The following INPP4B variants were observed in gnomAD, a reference collection of about 807,000 sequenced individuals.
The protein encoded by INPP4B is inositol polyphosphate-4-phosphatase type II B.
A neutral mutation model predicts 122.5 loss-of-function variants in INPP4B; 55 were observed. The ratio of observed to expected loss-of-function variants is 0.45; its 90% CI spans 0.36 to 0.56. The LOEUF (loss-of-function observed/expected upper bound fraction) is 0.56. Among genes scored for constraint, INPP4B ranks in the 20% least tolerant of loss-of-function variants. The pLI, the probability that INPP4B is intolerant of heterozygous loss-of-function variation, is 0.00. For missense variants in INPP4B, 1,000 were observed against 1,097.7 expected (o/e 0.91, Z 1.26); for synonymous variants, 403 against 388.7 (o/e 1.04, Z -0.43).
chr4:142,696,104 G>T (rs905549961), intron 2 of INPP4B, among the ~76,000 whole-genome samples: 2 of 152,102 alleles, frequency 1.3e-5, no homozygotes, highest in African/African-American at 4.8e-5. Context: ...AGGTTAGAAA[G>T]GTCCCAGGAG....
intron 1 of INPP4B, among the ~76,000 whole-genome samples, chr4:142,803,995 G>T (rs1217211552): frequency 6.6e-6 from 1 of 151,692 alleles, no homozygotes; most frequent in Non-Finnish European, 1.5e-5. Context: ...GGAGGTGGAG[G>T]TTGCAGTGAG....
In INPP4B at chr4:142,726,029, A is replaced by G. The variant is rs572001233; in HGVS notation, c.-253-128T>C. On this transcript the variant is annotated intron_variant, in intron 1 of 25. Coordinates refer to ENST00000262992, the MANE Select transcript of INPP4B (RefSeq NM_001101669.3). ...ATCATTTAACAAAATATTCAGCTCC[A>G]TTCAGCAGCTGCCTCAGGAAACACT... is the stretch of plus-strand genomic sequence containing the variant. The G allele has an allele frequency of 1.8e-5, 7 of 385,688 alleles. No homozygotes were observed. The South Asian group carries it at 1.0e-3, about 55-fold the overall frequency. The allele number at this position is 385,688 out of a possible 1,614,324, so 23.9% of individuals were successfully genotyped here.
intron 2 of INPP4B, among the ~76,000 whole-genome samples, chr4:142,596,673 T>A (rs1738784715): frequency 6.6e-6 from 1 of 152,230 alleles, no homozygotes; most frequent in Non-Finnish European, 1.5e-5. Context: ...TGTAGTTTAA[T>A]AACAACAATA....
chr4:142,325,641 C>T (rs982760567), intron 7 of INPP4B, among the ~76,000 whole-genome samples: 8 of 152,190 alleles, frequency 5.3e-5, no homozygotes, highest in African/African-American at 1.7e-4. Flanking sequence ...AGTTTGGATG[C>T]TCTAACCTTA....
intron 2 of INPP4B, among the ~76,000 whole-genome samples, chr4:142,579,059 T>C (rs1734450447): frequency 2.0e-5 from 3 of 152,038 alleles, no homozygotes; most frequent in Non-Finnish European, 4.4e-5. Flanking sequence ...ATGTTAAATA[T>C]TGTATTGAAC....
intron 11 of INPP4B, among the ~76,000 whole-genome samples, chr4:142,243,398 C>T (rs1041437301): frequency 2.0e-5 from 3 of 152,140 alleles, no homozygotes; most frequent in African/African-American, 4.8e-5. Flanking sequence ...TGTATTAGCA[C>T]ACAGTAATGA....
intron 21 of INPP4B, among the ~76,000 whole-genome samples, chr4:142,121,072 A>G (rs1483709029): frequency 6.6e-5 from 10 of 152,088 alleles, no homozygotes; most frequent in Non-Finnish European, 1.2e-4. Context: ...TTGTGATATA[A>G]GTGTTAGTGT....
chr4:142,156,742 G>C (rs1817430454), intron 17 of INPP4B, among the ~76,000 whole-genome samples: 1 of 151,998 alleles, frequency 6.6e-6, no homozygotes, highest in Admixed American at 6.6e-5. Flanking sequence ...AAAAGAGAAA[G>C]GACAGCCTCA....
At chr4:142,160,196 C>CA (rs35571640) in intron 17 of INPP4B, among the ~76,000 whole-genome samples, 162 bp downstream of exon 17, 25 of 150,674 alleles carry the variant, frequency 1.7e-4, no homozygotes, top group Non-Finnish European at 3.3e-4. Flanking sequence ...TTTCAACTTC[C>CA]AAAAAAAAAT....
intron 11 of INPP4B, among the ~76,000 whole-genome samples, chr4:142,251,503 C>A (rs973741136): frequency 6.6e-6 from 1 of 152,098 alleles, no homozygotes; most frequent in Non-Finnish European, 1.5e-5. Flanking sequence ...AACTCAGATG[C>A]TTTTAGGATG....
intron 7 of INPP4B, among the ~76,000 whole-genome samples, chr4:142,335,696 AAGTCAGTTAACTTTT>A: frequency 6.6e-6 from 1 of 152,358 alleles, no homozygotes; most frequent in East Asian, 1.9e-4. Context: ...ACATAGAGGA[AAGTCAGTTAACTTTT>A]AGTCAGTTGA....
chr4:142,071,399 G>T (rs1767218056), intron 25 of INPP4B, among the ~76,000 whole-genome samples: 1 of 152,066 alleles, frequency 6.6e-6, no homozygotes, highest in African/African-American at 2.4e-5. Flanking sequence ...GAAAACCTAG[G>T]CATTACCATT....
At chr4:142,631,737 A>C (rs1007130669) in intron 2 of INPP4B, among the ~76,000 whole-genome samples, 1 of 152,186 alleles carries the variant, frequency 6.6e-6, no homozygotes, top group African/African-American at 2.4e-5. Context: ...TCTGTCAGCT[A>C]ATCTATCTAC....
At chr4:142,116,598 T>C (rs1793607187) in intron 21 of INPP4B, among the ~76,000 whole-genome samples, 1 of 152,146 alleles carries the variant, frequency 6.6e-6, no homozygotes, top group Non-Finnish European at 1.5e-5. Context: ...GAAATAAAGA[T>C]GTTCTTTGAA....
At chr4:142,655,795 C>A (rs1204322319) in intron 2 of INPP4B, among the ~76,000 whole-genome samples, 2 of 152,192 alleles carry the variant, frequency 1.3e-5, no homozygotes, top group African/African-American at 2.4e-5. Flanking sequence ...CTTTTAAAGT[C>A]CAACTACTCT....
chr4:142,237,000 T>C (rs1856945938), intron 12 of INPP4B, among the ~76,000 whole-genome samples: 1 of 152,186 alleles, frequency 6.6e-6, no homozygotes, highest in Non-Finnish European at 1.5e-5. Context: ...TTTAATGCTA[T>C]TACAGGTTTG....
intron 1 of INPP4B, among the ~76,000 whole-genome samples, chr4:142,747,675 G>A (rs746098782): frequency 1.3e-5 from 2 of 152,140 alleles, no homozygotes; most frequent in African/African-American, 2.4e-5. Flanking sequence ...TATACAGCAT[G>A]GAATACTATG....
chr4:142,645,762 A>G (rs1006650901), intron 2 of INPP4B, among the ~76,000 whole-genome samples: 4 of 152,208 alleles, frequency 2.6e-5, no homozygotes, highest in African/African-American at 9.7e-5. Context: ...AACTCTATCT[A>G]TAAGCCACTG....
intron 2 of INPP4B, among the ~76,000 whole-genome samples, chr4:142,502,367 T>A (rs1823493104): frequency 6.6e-6 from 1 of 152,166 alleles, no homozygotes; most frequent in South Asian, 2.1e-4. Context: ...ACTTATGAAT[T>A]GTAATCTCCT....
Sources: allele counts gnomAD v4.1 joint callset (sites outside exome capture counted in the v4.1 genomes callset), GRCh38; gene constraint gnomAD v4.1.1; transcripts MANE v1.5; gene names NCBI Gene and HGNC (gene_info 2026-07-23, HGNC 2026-07-21).